The following FAF1 variants were observed in gnomAD, a reference collection of about 807,000 sequenced individuals.
The protein encoded by FAF1 is Fas associated factor 1.
Under a neutral mutation model 92.5 loss-of-function variants are expected in FAF1, and 25 were observed. That is an observed-to-expected ratio of 0.27 (90% confidence interval 0.20 to 0.38). The LOEUF (loss-of-function observed/expected upper bound fraction) is 0.38, where lower values mean the gene tolerates loss of function less well. Ranked by LOEUF, FAF1 falls within the 10% of genes least tolerant of loss-of-function variation. The probability of loss-of-function intolerance (pLI) is 1.00; values close to 1 mark genes in which losing one functional copy is unlikely to be tolerated. For missense variants in FAF1, 636 were observed against 793.3 expected, an observed-to-expected ratio of 0.80 and a Z score of 2.38; for synonymous variants, 234 against 273.2, an observed-to-expected ratio of 0.86 and a Z score of 1.42.
At chr1:50,776,364 T>A (rs1415843575) in intron 4 of FAF1, among the ~76,000 whole-genome samples, 2 of 152,200 alleles carry the variant, frequency 1.3e-5, no homozygotes, top group African/African-American at 4.8e-5. Flanking sequence ...CTTCCAGTTT[T>A]ATTTGTTCTG....
Position 50,465,977 on chromosome 1 carries a change from T to G in FAF1, c.1869+9487A>C, listed in dbSNP as rs112602593. Among the ~76,000 whole-genome samples the G allele has an allele frequency of 1.3e-3, 197 of 152,196 alleles. 1 individual carries two copies. Among genetic ancestry groups the G allele is most frequent in the African/African-American group, 4.4e-3 (184 of 41,510 alleles). On this transcript the variant is annotated intron_variant, in intron 18 of 18. Coordinates refer to ENST00000396153, the MANE Select transcript of FAF1 (RefSeq NM_007051.3). Reference sequence around the variant, plus strand: ...AGCAAGTTAGATCGAGAAAGGCCTTTCACTCTGAACTGATGGGGAGCTATT... The same window carrying G: ...AGCAAGTTAGATCGAGAAAGGCCTTGCACTCTGAACTGATGGGGAGCTATT...
At chr1:50,632,532 T>G (rs1653837456) in intron 8 of FAF1, among the ~76,000 whole-genome samples, 1 of 152,202 alleles carries the variant, frequency 6.6e-6, no homozygotes, top group Non-Finnish European at 1.5e-5. Flanking sequence ...TACTTCTCTA[T>G]TTAGTTCATT....
Position 50,738,919 on chromosome 1 carries a change from G to T in FAF1, c.495C>A (p.Asn165Lys). 2 of 1,608,752 alleles carry T rather than the reference G, an allele frequency of 1.2e-6. No homozygotes were observed. The highest frequency in any genetic ancestry group is 1.7e-6 in the Non-Finnish European group (2 of 1,176,970). Residue 165 changes from asparagine (N) to lysine (K), a missense_variant, in exon 6 of 19, where the codon AAC becomes AAA. Physicochemically the swap from Asn to Lys is moderately conservative, Grantham distance 94. Around this residue, in one of 2 missense-constraint regions of FAF1, gnomAD observed 317 missense variants for 342.4 expected, o/e 0.93. Transcript: ENST00000396153. The part of the protein sequence containing the change: ...VLKSLHLPKN[N>K]SLYVLTPDLP... ...AATCTGGTGTAAGGACATAAAGACT[G>T]TTGTTTTTTGGCAAGTGTAGAGATT...
chr1:50,754,358 C>T (rs1352946199), intron 4 of FAF1, among the ~76,000 whole-genome samples: 3 of 152,182 alleles, frequency 2.0e-5, no homozygotes, highest in Admixed American at 6.6e-5. Flanking sequence ...TAGTACTCTC[C>T]ACCACTGAGG....
intron 13 of FAF1, among the ~76,000 whole-genome samples, chr1:50,557,248 A>T (rs2149050134): frequency 6.6e-6 from 1 of 152,368 alleles, no homozygotes; most frequent in East Asian, 1.9e-4. Flanking sequence ...CAATCTATTT[A>T]GGATTCTTAA....
chr1:50,818,815 C>G (rs1373412694), intron 2 of FAF1, among the ~76,000 whole-genome samples: 2 of 150,682 alleles, frequency 1.3e-5, no homozygotes, highest in African/African-American at 4.9e-5. Context: ...CCAGCCTGGG[C>G]GACAGAGCGA....
chr1:50,736,033 T>C (rs1486979262), intron 6 of FAF1, among the ~76,000 whole-genome samples: 1 of 152,154 alleles, frequency 6.6e-6, no homozygotes, highest in Non-Finnish European at 1.5e-5. Context: ...TGTTATTTTA[T>C]ATCTACATTA....
chr1:50,941,769 G>A (rs566300313), intron 1 of FAF1, among the ~76,000 whole-genome samples: 80 of 152,234 alleles, frequency 5.3e-4, no homozygotes, highest in African/African-American at 1.8e-3. Context: ...TTCCCTCATT[G>A]GAGGGAAACA....
chr1:50,894,901 G>A (rs992123114), intron 1 of FAF1, among the ~76,000 whole-genome samples: 15 of 152,128 alleles, frequency 9.9e-5, no homozygotes, highest in African/African-American at 3.6e-4. Flanking sequence ...ATATCAAGAG[G>A]GAAGTTTATA....
intron 18 of FAF1, among the ~76,000 whole-genome samples, chr1:50,445,246 G>A (rs1020198486): frequency 2.0e-5 from 3 of 151,972 alleles, no homozygotes; most frequent in African/African-American, 4.8e-5. Flanking sequence ...CAACCTTCCC[G>A]CTGAGTCCCC....
chr1:50,570,235 G>A (rs903830485), intron 12 of FAF1, among the ~76,000 whole-genome samples: 5 of 152,154 alleles, frequency 3.3e-5, no homozygotes, highest in South Asian at 2.1e-4. Context: ...GAAGACAAGC[G>A]AATGCAGACG....
chr1:50,734,613 A>T (rs1557500143), intron 6 of FAF1, among the ~76,000 whole-genome samples: 1 of 151,936 alleles, frequency 6.6e-6, no homozygotes, highest in Non-Finnish European at 1.5e-5. Flanking sequence ...GGGCGCCTGT[A>T]TTCCCAGCTA....
intron 15 of FAF1, among the ~76,000 whole-genome samples, chr1:50,496,982 G>C (rs1407623232): frequency 6.6e-6 from 1 of 151,862 alleles, no homozygotes; most frequent in Non-Finnish European, 1.5e-5. Context: ...GTGAGGTGAA[G>C]AAAAGTTACT....
intron 15 of FAF1, among the ~76,000 whole-genome samples, chr1:50,504,374 T>C (rs1474574979): frequency 6.6e-6 from 1 of 150,984 alleles, no homozygotes; most frequent in African/African-American, 2.4e-5. Flanking sequence ...TCAATTTCAA[T>C]GAAACAGTAG....
chr1:50,846,457 G>A (rs939436410), intron 2 of FAF1: 10 of 454,274 alleles, frequency 2.2e-5, no homozygotes, highest in Non-Finnish European at 3.4e-5. Flanking sequence ...CGCACGCATC[G>A]AGCCTCCAGG....
chr1:50,780,716 C>A, intron 4 of FAF1: 2 of 273,494 alleles, frequency 7.3e-6, no homozygotes, highest in East Asian at 2.1e-4. Flanking sequence ...CAGAAATCCT[C>A]AAGTCAGTGG....
chr1:50,867,079 A>T (rs989584055), intron 1 of FAF1, among the ~76,000 whole-genome samples: 6 of 152,174 alleles, frequency 3.9e-5, no homozygotes, highest in African/African-American at 1.4e-4. Flanking sequence ...AAAAACATAA[A>T]GTGTGGAAAG....
At chr1:50,606,489 CTTTTTTTTT>C (rs34498946) in intron 8 of FAF1, among the ~76,000 whole-genome samples, 7 of 58,556 alleles carry the variant, frequency 1.2e-4, no homozygotes, top group South Asian at 1.2e-3. Flanking sequence ...GTGAGAGTTG[CTTTTTTTTT>C]TTTTTTTTTT....
At chr1:50,736,544 G>A (rs535216351) in intron 6 of FAF1, among the ~76,000 whole-genome samples, 1 of 152,182 alleles carries the variant, frequency 6.6e-6, no homozygotes, top group South Asian at 2.1e-4. Context: ...GAGTTCAGGG[G>A]TTTGAGACCA....
Sources: gnomAD v4.1 joint callset for allele counts (sites outside exome capture counted in the v4.1 genomes callset) on GRCh38, gnomAD v4.1.1 for gene constraint, gnomAD v4.1.1 regional missense constraint, MANE v1.5 for transcripts, NCBI Gene and HGNC (gene_info 2026-07-23, HGNC 2026-07-21) for gene names.